The following FAM83F variants were observed in gnomAD, a reference collection of about 807,000 sequenced individuals.
FAM83F encodes scaffolding CK1 anchoring protein F.
A neutral mutation model predicts 42.9 loss-of-function variants in FAM83F; 45 were observed. The ratio of observed to expected loss-of-function variants is 1.05; its 90% CI spans 0.83 to 1.35. The LOEUF is 1.35. Among genes scored for constraint, FAM83F ranks in the 40% most tolerant of loss-of-function variants. FAM83F has a pLI of 0.00. For synonymous variants in FAM83F, 306 were observed against 298.3 expected, an observed-to-expected ratio of 1.03 and a Z score of -0.27; for missense variants, 617 against 695.9, an observed-to-expected ratio of 0.89 and a Z score of 1.28.
intron 3 of FAM83F, among the ~76,000 whole-genome samples, chr22:40,020,881 A>G (rs904883657): frequency 4.6e-5 from 7 of 152,242 alleles, no homozygotes; most frequent in African/African-American, 1.7e-4. Context: ...AATAATATTC[A>G]TAATAGTGGC....
intron 4 of FAM83F, among the ~76,000 whole-genome samples, chr22:40,027,940 G>A (rs2067564170): frequency 6.8e-6 from 1 of 146,460 alleles, no homozygotes; most frequent in Non-Finnish European, 1.5e-5. Flanking sequence ...CCTCCAAAAT[G>A]CTGCTGCCTC....
chr22:40,024,252 C>T (rs1191425831), intron 4 of FAM83F, among the ~76,000 whole-genome samples: 2 of 152,194 alleles, frequency 1.3e-5, no homozygotes, highest in Non-Finnish European at 2.9e-5. Context: ...ACCTCTGGGC[C>T]TCCCAAAGCG....
intron 1 of FAM83F, among the ~76,000 whole-genome samples, chr22:40,005,163 C>A (rs1277539260): frequency 6.6e-6 from 1 of 152,224 alleles, no homozygotes; most frequent in African/African-American, 2.4e-5. Flanking sequence ...ACTGCCAACT[C>A]CATTTGTCTT....
At chr22:40,005,516 G>C (rs1243634755) in intron 1 of FAM83F, among the ~76,000 whole-genome samples, 1 of 152,256 alleles carries the variant, frequency 6.6e-6, no homozygotes, top group East Asian at 1.9e-4. Flanking sequence ...GTCACAACAC[G>C]TGGCTGTTCA....
intron 2 of FAM83F, among the ~76,000 whole-genome samples, 168 bp from the exon 3 acceptor site, chr22:40,019,719 C>T (rs143907527): frequency 0.011 from 1,601 of 152,288 alleles, 27 homozygotes; most frequent in Non-Finnish European, 0.012. Flanking sequence ...TCTTCCTGCT[C>T]GCCAAAGAGG....
chr22:40,000,428 C>T (rs1482554208), intron 1 of FAM83F, among the ~76,000 whole-genome samples: 1 of 152,188 alleles, frequency 6.6e-6, no homozygotes, highest in Non-Finnish European at 1.5e-5. Flanking sequence ...ATCAGCTCAA[C>T]TCCACAAAAG....
At chr22:40,020,242 C>T (rs375788670) in intron 3 of FAM83F, among the ~76,000 whole-genome samples, 21 of 152,082 alleles carry the variant, frequency 1.4e-4, no homozygotes, top group African/African-American at 5.1e-4. Context: ...TTTTCATGGT[C>T]CATTTGCAGC....
chr22:40,028,971 G>A (rs1052326398), intron 4 of FAM83F, among the ~76,000 whole-genome samples: 5 of 152,204 alleles, frequency 3.3e-5, no homozygotes, highest in African/African-American at 7.2e-5. Context: ...GCACCTCAGC[G>A]GTAGAATGCG....
Position 40,036,692 on chromosome 22 carries a change from G to C in FAM83F, c.*7127G>C, listed in dbSNP as rs2067625989. 1 of 152,394 alleles carries C rather than the reference G, an allele frequency of 6.6e-6. No individual in the cohort carries two copies. The highest frequency in any genetic ancestry group is 2.1e-4 in the South Asian group (1 of 4,828). 9.4% of individuals were successfully genotyped at this position (152,394 alleles called of 1,614,324 possible). A position where few individuals can be genotyped will look rare whatever the true frequency, so the allele number is the denominator to read the frequency against. ...CTTGATGTCTTTGGCTTTCACACTA[G>C]TGACTATAGCCTGGTGGGACGGGGT... is the stretch of plus-strand genomic sequence containing the variant. On this transcript the variant is annotated 3_prime_UTR_variant, in exon 5 of 5. Transcript: ENST00000333407.
intron 1 of FAM83F, among the ~76,000 whole-genome samples, chr22:40,008,603 C>G (rs1470962541): frequency 2.0e-5 from 3 of 152,156 alleles, no homozygotes; most frequent in Admixed American, 2.0e-4. Flanking sequence ...GTGGGACGTC[C>G]CCCTCGTGCA....
In FAM83F at chr22:40,039,349, A is replaced by G. The variant is rs1601777804; in HGVS notation, c.*9784A>G. ...CTTGAACCTCTGACTTCCATGATCC[A>G]CCTGCCTCTGCCTCCCAAAGTGCTG... is the stretch of plus-strand genomic sequence containing the variant. On this transcript the variant is annotated 3_prime_UTR_variant, in exon 5 of 5. Transcript: ENST00000333407. 1 of 152,114 alleles carries G rather than the reference A, an allele frequency of 6.6e-6. No homozygotes were observed. Among genetic ancestry groups the G allele is most frequent in the Non-Finnish European group, 1.5e-5 (1 of 68,020 alleles). 9.4% of individuals were successfully genotyped at this position (152,114 alleles called of 1,614,324 possible). A position where few individuals can be genotyped will look rare whatever the true frequency, so the allele number is the denominator to read the frequency against.
At chr22:40,016,407 C>T (rs1230140521) in intron 1 of FAM83F, among the ~76,000 whole-genome samples, 1 of 151,904 alleles carries the variant, frequency 6.6e-6, no homozygotes, top group African/African-American at 2.4e-5. Context: ...CCATGTTGCC[C>T]AGGTGGGTCT....
chr22:40,009,118 G>A (rs993079142), intron 1 of FAM83F, among the ~76,000 whole-genome samples: 2 of 151,976 alleles, frequency 1.3e-5, no homozygotes, highest in Admixed American at 1.3e-4. Context: ...GATCTCATCC[G>A]AGCCTTCCAA....
chr22:40,007,452 T>C (rs1601764465), intron 1 of FAM83F, among the ~76,000 whole-genome samples: 1 of 5,772 alleles, frequency 1.7e-4, no homozygotes, highest in Non-Finnish European at 2.7e-4. Flanking sequence ...CCTCTCCTCC[T>C]CCTCTCCTCT....
intron 1 of FAM83F, among the ~76,000 whole-genome samples, chr22:40,006,900 A>G (rs1348236658): frequency 6.6e-6 from 1 of 152,182 alleles, no homozygotes. Context: ...CCTGTGTGTC[A>G]GGCCCTGTCC....
intron 4 of FAM83F, among the ~76,000 whole-genome samples, chr22:40,028,426 G>T (rs1468450602): frequency 6.6e-6 from 1 of 152,232 alleles, no homozygotes; most frequent in East Asian, 1.9e-4. Context: ...GAGCACCAGA[G>T]AGGCAGCCCT....
intron 1 of FAM83F, among the ~76,000 whole-genome samples, chr22:40,015,618 C>T (rs958652264): frequency 6.6e-6 from 1 of 152,130 alleles, no homozygotes; most frequent in Non-Finnish European, 1.5e-5. Flanking sequence ...CACACTCGTG[C>T]AAGGCAGCCC....
At chr22:39,997,707 A>C (rs548769039) in intron 1 of FAM83F, among the ~76,000 whole-genome samples, 1 of 152,310 alleles carries the variant, frequency 6.6e-6, no homozygotes, top group East Asian at 1.9e-4. Flanking sequence ...AGGAGGTTTG[A>C]TTGGCAGGTA....
chr22:39,995,022 C>CG lies in FAM83F; in HGVS notation c.-17dup. The CG allele has an allele frequency of 1.6e-6, 2 of 1,257,926 alleles. No homozygotes were observed. Among genetic ancestry groups the CG allele is most frequent in the Non-Finnish European group, 2.0e-6 (2 of 1,003,148 alleles). The allele number at this position is 1,257,926 out of a possible 1,614,324, so 77.9% of individuals were successfully genotyped here. ...ACCGCGGCGGGGCCGGGGCCAGGGCCGGGGCCGGGGCCGGGGCGCCATGGC... is the reference window on the plus strand; with the variant it reads ...ACCGCGGCGGGGCCGGGGCCAGGGCCGGGGGCCGGGGCCGGGGCGCCATGGC... On this transcript the variant is annotated 5_prime_UTR_variant, in exon 1 of 5. Transcript: ENST00000333407. This position sits in a 1 kb window ranked among gnomAD's most constrained non-coding sequence, Gnocchi z 4.6.
Sources: gnomAD v4.1 joint callset for allele counts (sites outside exome capture counted in the v4.1 genomes callset) on GRCh38, gnomAD v4.1.1 for gene constraint, Gnocchi (gnomAD v3.1) non-coding constraint, MANE v1.5 for transcripts, NCBI Gene and HGNC (gene_info 2026-07-23, HGNC 2026-07-21) for gene names.